The following WASF3 variants were observed in gnomAD, a reference collection of about 807,000 sequenced individuals.
WASF3 encodes the protein actin-binding protein WASF3.
In WASF3, 11 loss-of-function variants were observed where a neutral mutation model predicts 46.6. That is an observed-to-expected ratio of 0.24 (90% confidence interval 0.15 to 0.39). The LOEUF is 0.39. Ranked by LOEUF, WASF3 falls within the 10% of genes least tolerant of loss-of-function variation. The pLI, the probability that WASF3 is intolerant of heterozygous loss-of-function variation, is 1.00. For synonymous variants in WASF3, 242 were observed against 259.7 expected (o/e 0.93, Z 0.65); for missense variants, 576 against 669.8 (o/e 0.86, Z 1.55).
At chr13:26,598,100 T>C (rs1240108371) in intron 1 of WASF3, among the ~76,000 whole-genome samples, 5 of 152,222 alleles carry the variant, frequency 3.3e-5, no homozygotes, top group African/African-American at 1.2e-4. Flanking sequence ...AAAGTGTTTC[T>C]GTTTCTCCAC....
chr13:26,616,759 AT>A (rs1881146984), intron 2 of WASF3, among the ~76,000 whole-genome samples: 1 of 152,142 alleles, frequency 6.6e-6, no homozygotes, highest in Admixed American at 6.5e-5. Flanking sequence ...AAGACCCCTA[AT>A]TAGTGAATAT....
At chr13:26,568,762 A>G (rs1236966595) in intron 1 of WASF3, among the ~76,000 whole-genome samples, 1 of 152,210 alleles carries the variant, frequency 6.6e-6, no homozygotes, top group Non-Finnish European at 1.5e-5. Flanking sequence ...GCAGAACCAA[A>G]GTAATTTTGG....
chr13:26,680,325 C>CA (rs908663549), intron 7 of WASF3: 9 of 1,163,598 alleles, frequency 7.7e-6, no homozygotes, highest in Admixed American at 6.4e-5. Context: ...GTGTGACTGT[C>CA]TTACTAACGC....
chr13:26,682,799 C>G lies in WASF3; in HGVS notation c.1176C>G (p.Val392=). 2 of 1,611,120 alleles carry G rather than the reference C, an allele frequency of 1.2e-6. No homozygotes were observed. The highest frequency in any genetic ancestry group is 1.7e-6 in the Non-Finnish European group (2 of 1,179,878). ...PPHPPSTGLL[V]TAPPPPGPPP... is the part of the protein sequence containing the mutation. ...ACCCACCCTCCACCGGGCTCCTGGT[C>G]ACAGCCCCGCCACCCCCGGGCCCAC... is the stretch of plus-strand genomic sequence containing the variant. Residue 392 remains valine (V), a synonymous_variant, in exon 9 of 10, where the codon GTC becomes GTG. Transcript: ENST00000335327. The surrounding 1 kb of genome is among the most constrained non-coding windows in gnomAD (Gnocchi z 4.4).
chr13:26,593,771 C>G (rs1880374092), intron 1 of WASF3, among the ~76,000 whole-genome samples: 2 of 152,204 alleles, frequency 1.3e-5, no homozygotes, highest in Non-Finnish European at 2.9e-5. Flanking sequence ...ATAGACACTA[C>G]TTTGCATGCT....
the WASF3 span, among the ~76,000 whole-genome samples, chr13:26,552,435 C>G: frequency 6.6e-6 from 1 of 151,964 alleles, no homozygotes; most frequent in African/African-American, 2.4e-5. Flanking sequence ...ATGTTTCCAG[C>G]AAATATTTTA....
At chr13:26,665,980 C>T (rs1267829000) in intron 4 of WASF3, among the ~76,000 whole-genome samples, 1 of 151,934 alleles carries the variant, frequency 6.6e-6, no homozygotes, top group Non-Finnish European at 1.5e-5. Flanking sequence ...GATTTTTGTG[C>T]TATATCTATA....
At chr13:26,590,635 T>G (rs1880262353) in intron 1 of WASF3, among the ~76,000 whole-genome samples, 1 of 152,204 alleles carries the variant, frequency 6.6e-6, no homozygotes, top group Non-Finnish European at 1.5e-5. Flanking sequence ...AATCAATATG[T>G]CAAAAGTCTG....
chr13:26,665,379 T>A (rs1882740778), intron 4 of WASF3, among the ~76,000 whole-genome samples: 1 of 152,236 alleles, frequency 6.6e-6, no homozygotes, highest in African/African-American at 2.4e-5. Context: ...TACTCTTTTT[T>A]AAAAAATTAC....
rs372472282 is a variant in WASF3, at chr13:26,591,562, G to C, written c.-108-21399G>C. Among the ~76,000 whole-genome samples, 226 of 152,256 alleles carry C rather than the reference G, an allele frequency of 1.5e-3. 1 individual carries two copies. The highest frequency in any genetic ancestry group is 5.3e-3 in the African/African-American group (222 of 41,556). On this transcript the variant is annotated intron_variant, in intron 1 of 9. Transcript: ENST00000335327. ...GATATGGGGTTGCCATGAACTGAGA[G>C]GGGGAGACTACGAGCTCTAGATTGC... is the stretch of plus-strand genomic sequence containing the variant.
At chr13:26,666,962 C>T (rs577459580) in intron 4 of WASF3, among the ~76,000 whole-genome samples, 1 of 148,970 alleles carries the variant, frequency 6.7e-6, no homozygotes, top group South Asian at 2.2e-4. Context: ...CCCCAATTTT[C>T]TGAATCCTTA....
At chr13:26,569,733 A>C (rs1384095202) in intron 1 of WASF3, among the ~76,000 whole-genome samples, 1 of 152,340 alleles carries the variant, frequency 6.6e-6, no homozygotes, top group East Asian at 1.9e-4. Flanking sequence ...AATAGAAAAT[A>C]AATATACAGT....
Position 26,632,851 on chromosome 13 carries a change from C to G in WASF3, c.-10-9410C>G, listed in dbSNP as rs965466194. ...ATTAATTATTGCCTGAATTTCAGAGCCTGTTATTGGTCTAGTCAGAGATTC... is the reference window on the plus strand; with the variant it reads ...ATTAATTATTGCCTGAATTTCAGAGGCTGTTATTGGTCTAGTCAGAGATTC... On this transcript the variant is annotated intron_variant, in intron 2 of 9. Transcript: ENST00000335327. Among the ~76,000 whole-genome samples the G allele has an allele frequency of 1.3e-5, 2 of 152,086 alleles. 1 individual carries two copies. The highest frequency in any genetic ancestry group is 4.1e-4 in the South Asian group (2 of 4,820).
chr13:26,622,059 G>GT (rs1205946915), intron 2 of WASF3, among the ~76,000 whole-genome samples: 7 of 152,128 alleles, frequency 4.6e-5, no homozygotes, highest in African/African-American at 1.7e-4. Flanking sequence ...GTAAAACATG[G>GT]TTAAAAAGCC....
intron 2 of WASF3, among the ~76,000 whole-genome samples, chr13:26,616,159 T>A (rs1881128018): frequency 6.6e-6 from 1 of 152,376 alleles, no homozygotes; most frequent in South Asian, 2.1e-4. Flanking sequence ...GATCGTGTGA[T>A]AAGTGTATGT....
At chr13:26,648,426 A>G (rs572085476) in intron 3 of WASF3, among the ~76,000 whole-genome samples, 1 of 152,308 alleles carries the variant, frequency 6.6e-6, no homozygotes, top group South Asian at 2.1e-4. Flanking sequence ...ATATAATTGG[A>G]TCTGAAATTT....
intron 1 of WASF3, among the ~76,000 whole-genome samples, chr13:26,575,141 C>A (rs926450300): frequency 8.6e-5 from 13 of 152,046 alleles, no homozygotes; most frequent in Admixed American, 7.2e-4. Context: ...TGGCCAACCC[C>A]TTCTTATTTT....
At chr13:26,557,633 C>T (rs1002989510), upstream of WASF3, 3 of 157,592 alleles carry the variant, frequency 1.9e-5, no homozygotes, top group African/African-American at 7.2e-5. Flanking sequence ...ACTGAGCCCC[C>T]CTCCTGCTCC....
intron 1 of WASF3, among the ~76,000 whole-genome samples, chr13:26,578,498 A>T (rs1879869025): frequency 6.6e-6 from 1 of 152,222 alleles, no homozygotes; most frequent in Non-Finnish European, 1.5e-5. Flanking sequence ...AAAATGCAAC[A>T]CACCATGAGC....
Sources: gnomAD v4.1 joint callset for allele counts (sites outside exome capture counted in the v4.1 genomes callset) on GRCh38, gnomAD v4.1.1 for gene constraint, Gnocchi (gnomAD v3.1) non-coding constraint, MANE v1.5 for transcripts, NCBI Gene and HGNC (gene_info 2026-07-23, HGNC 2026-07-21) for gene names.